Variants in ABCC4 observed in about 807,000 individuals in gnomAD.
The protein encoded by ABCC4 is ATP binding cassette subfamily C member 4 (PEL blood group), also known as ATP-binding cassette sub-family C member 4.
Under a neutral mutation model 168.5 loss-of-function variants are expected in ABCC4, and 102 were observed. That is an observed-to-expected ratio of 0.61 (90% confidence interval 0.52 to 0.71). The LOEUF (loss-of-function observed/expected upper bound fraction) is 0.71, where lower values mean the gene tolerates loss of function less well. ABCC4 is among the 30% of genes least tolerant of loss of function. The pLI is 0.00. For missense variants in ABCC4, 1,402 were observed against 1,605.8 expected (o/e 0.87, Z 2.17); for synonymous variants, 617 against 590.7 (o/e 1.04, Z -0.65).
intron 27 of ABCC4, among the ~76,000 whole-genome samples, chr13:95,051,909 T>G (rs780284180): frequency 6.6e-6 from 1 of 152,106 alleles, no homozygotes; most frequent in African/African-American, 2.4e-5. Flanking sequence ...TCGTGATCCA[T>G]CCGCCTCAGC....
intron 30 of ABCC4, among the ~76,000 whole-genome samples, chr13:95,028,433 C>A (rs946976447): frequency 6.6e-6 from 1 of 151,882 alleles, no homozygotes; most frequent in African/African-American, 2.4e-5. Flanking sequence ...GAAACTGATG[C>A]GTAAAACAGA....
intron 4 of ABCC4, among the ~76,000 whole-genome samples, chr13:95,219,034 A>G (rs2039236638): frequency 6.6e-6 from 1 of 152,088 alleles, no homozygotes; most frequent in Admixed American, 6.6e-5. Context: ...AGGAAAAGAA[A>G]AGAAAGGGAA....
chr13:95,089,987 CA>C (rs1734093545), intron 20 of ABCC4, among the ~76,000 whole-genome samples: 1 of 152,252 alleles, frequency 6.6e-6, no homozygotes, highest in Non-Finnish European at 1.5e-5. Context: ...CAGAGGCTTG[CA>C]TGTGAACTTT....
intron 17 of ABCC4, 114 bp downstream of exon 17, chr13:95,163,496 C>T (rs924166643): frequency 6.8e-6 from 7 of 1,034,664 alleles, no homozygotes; most frequent in Admixed American, 2.5e-5. Flanking sequence ...TTCGGGTAAA[C>T]GAAGTGAGGA....
At chr13:95,123,850 G>A (rs2035660639) in intron 19 of ABCC4, among the ~76,000 whole-genome samples, 1 of 152,216 alleles carries the variant, frequency 6.6e-6, no homozygotes, top group African/African-American at 2.4e-5. Flanking sequence ...AGCTGGTGCG[G>A]GTTACCAGGG....
chr13:95,196,546 C>CA (rs200104284), intron 8 of ABCC4, among the ~76,000 whole-genome samples: 16,784 of 129,946 alleles, frequency 0.13, 2,020 homozygotes, highest in Non-Finnish European at 0.2. Flanking sequence ...AAGACCCTGT[C>CA]AAAAAAAATA....
In ABCC4 at chr13:95,071,801, G is replaced by A. The variant is rs1052961535; in HGVS notation, c.3071C>T (p.Pro1024Leu). ...IEYTDLEKEAPWEYQKRPPPA... is the reference protein window; with the variant it reads ...IEYTDLEKEALWEYQKRPPPA... Reference sequence around the variant, plus strand: ...TGGTGGGCGTTTCTGATATTCCCAAGGTGCTTCTTTTTCAAGGTCTGTGTA... The same window carrying A: ...TGGTGGGCGTTTCTGATATTCCCAAAGTGCTTCTTTTTCAAGGTCTGTGTA... Residue 1024 changes from proline to leucine, a missense_variant, in exon 25 of 31, where the codon CCT becomes CTT. By Grantham distance (98) the Pro-to-Leu change is moderately conservative. This residue lies in a region of ABCC4 where 1,007 missense variants were observed against 1,127.3 expected (regional missense o/e 0.89). Transcript: ENST00000645237. The A allele has an allele frequency of 6.9e-6, 11 of 1,602,234 alleles. No homozygotes were observed. Among genetic ancestry groups the A allele is most frequent in the Non-Finnish European group, 7.7e-6 (9 of 1,175,506 alleles).
intron 4 of ABCC4, among the ~76,000 whole-genome samples, chr13:95,232,251 C>G (rs1333664490): frequency 1.3e-5 from 2 of 151,964 alleles, no homozygotes; most frequent in Non-Finnish European, 2.9e-5. Flanking sequence ...TATACTGTAC[C>G]ATAGACACTA....
At chr13:95,053,425 A>G (rs1394844365) in intron 26 of ABCC4, among the ~76,000 whole-genome samples, 1 of 152,240 alleles carries the variant, frequency 6.6e-6, no homozygotes, top group Non-Finnish European at 1.5e-5. Context: ...TATCTTAAGA[A>G]GAAAATGAAA....
At chr13:95,244,178 T>TTAGGTCCCTAAGTCAGCGCTC (rs2040021794) in intron 3 of ABCC4, among the ~76,000 whole-genome samples, 1 of 152,142 alleles carries the variant, frequency 6.6e-6, no homozygotes, top group Non-Finnish European at 1.5e-5. Context: ...CTGGAGATGG[T>TTAGGTCCCTAAGTCAGCGCTC]TAGGTCCCTA....
chr13:95,066,278 G>T (rs2033540314), intron 25 of ABCC4, among the ~76,000 whole-genome samples: 1 of 152,138 alleles, frequency 6.6e-6, no homozygotes, highest in Admixed American at 6.5e-5. Flanking sequence ...TCCTCCACTT[G>T]TCCCCTCGTG....
chr13:95,077,181 G>C (rs2033934514), intron 21 of ABCC4, among the ~76,000 whole-genome samples: 1 of 152,154 alleles, frequency 6.6e-6, no homozygotes, highest in African/African-American at 2.4e-5. Flanking sequence ...GTGCATATTG[G>C]GGACACGTGA....
intron 4 of ABCC4, among the ~76,000 whole-genome samples, chr13:95,221,409 T>C (rs1010641605): frequency 2.6e-5 from 4 of 152,104 alleles, no homozygotes; most frequent in South Asian, 2.1e-4. Flanking sequence ...TTGTATTTTT[T>C]GTAGAAACAG....
chr13:95,075,483 CT>C lies in ABCC4; in HGVS notation c.2754del (p.Ala919GlnfsTer24). 1.2e-6 allele frequency: 2 copies of C among 1,614,142 alleles called. No homozygotes were observed. Among genetic ancestry groups the C allele is most frequent in the Non-Finnish European group, 1.7e-6 (2 of 1,180,002 alleles). On this transcript the variant is annotated frameshift_variant, in exon 22 of 31. Coordinates refer to ENST00000645237, the MANE Select transcript of ABCC4 (RefSeq NM_005845.5). LOFTEE classifies it high-confidence loss of function. ...AACAGTTCCTGACACCTCTCTTCTG[CT>C]TTGTATGCCCGGATGGTCCAGAGCC... ...LQGLWTIRAY[K>X]AEERCQELFD...
At chr13:95,035,870 C>T (rs1165246090) in intron 29 of ABCC4, among the ~76,000 whole-genome samples, 1 of 152,154 alleles carries the variant, frequency 6.6e-6, no homozygotes, top group African/African-American at 2.4e-5. Context: ...AAGCAGGACA[C>T]AGGTTGTTTT....
At chr13:95,277,764 G>GA (rs1047086179) in intron 1 of ABCC4, among the ~76,000 whole-genome samples, 2 of 152,142 alleles carry the variant, frequency 1.3e-5, no homozygotes, top group African/African-American at 4.8e-5. Flanking sequence ...TGCACTTACA[G>GA]AAAAATCCTT....
intron 25 of ABCC4, 98 bp from the exon 26 acceptor site, chr13:95,062,957 T>G: frequency 2.2e-6 from 3 of 1,372,664 alleles, no homozygotes; most frequent in South Asian, 2.9e-5. Context: ...GAAGAAGAAT[T>G]AAGGACATTC....
chr13:95,098,210 T>C (rs1188998693), intron 20 of ABCC4, among the ~76,000 whole-genome samples: 2 of 151,380 alleles, frequency 1.3e-5, no homozygotes, highest in African/African-American at 4.9e-5. Context: ...TCAAAATCAT[T>C]GGATGCAGCT....
At chr13:95,087,222 A>G (rs767061862) in intron 20 of ABCC4, among the ~76,000 whole-genome samples, 3 of 152,140 alleles carry the variant, frequency 2.0e-5, no homozygotes, top group Non-Finnish European at 2.9e-5. Context: ...AAAACAAACA[A>G]ACAACAAACA....
Sources: allele counts gnomAD v4.1 joint callset (sites outside exome capture counted in the v4.1 genomes callset), GRCh38; gene constraint gnomAD v4.1.1; regional missense constraint gnomAD v4.1.1; transcripts MANE v1.5; gene names NCBI Gene and HGNC (gene_info 2026-07-23, HGNC 2026-07-21).